The following ASPH variants were observed in gnomAD, a reference collection of about 807,000 sequenced individuals.
ASPH encodes the protein aspartate beta-hydroxylase, also known as aspartyl/asparaginyl beta-hydroxylase.
ASPH carries 100 observed loss-of-function variants against 118.4 expected under a neutral mutation model. That is an observed-to-expected ratio of 0.84 (90% confidence interval 0.72 to 1.00). The LOEUF (loss-of-function observed/expected upper bound fraction) is 1.00. Among genes scored for constraint, ASPH ranks in the 50% least tolerant of loss-of-function variants. The probability of loss-of-function intolerance (pLI) is 0.00; values close to 1 mark genes in which losing one functional copy is unlikely to be tolerated. For synonymous variants in ASPH, 315 were observed against 325.6 expected (o/e 0.97, Z 0.35); for missense variants, 920 against 919.5 (o/e 1.00, Z -0.01).
At chr8:61,522,970 G>A (rs1215757743) in intron 22 of ASPH, among the ~76,000 whole-genome samples, 2 of 152,048 alleles carry the variant, frequency 1.3e-5, no homozygotes, top group Admixed American at 1.3e-4. Context: ...TGAATTTTGC[G>A]GGGTACACAG....
chr8:61,509,800 AGG>A (rs909882324), intron 24 of ASPH, among the ~76,000 whole-genome samples: 1 of 152,028 alleles, frequency 6.6e-6, no homozygotes, highest in Non-Finnish European at 1.5e-5. Flanking sequence ...AGATGTGAGT[AGG>A]GGGGGAGGGT....
At chr8:61,607,183 T>C (rs1042913467) in intron 14 of ASPH, 3 of 669,698 alleles carry the variant, frequency 4.5e-6, no homozygotes, top group Middle Eastern at 2.9e-4. Context: ...TAATGCATCA[T>C]CCTTCTTAGC....
chr8:61,576,030 T>A (rs1835026153), intron 16 of ASPH, among the ~76,000 whole-genome samples: 1 of 152,178 alleles, frequency 6.6e-6, no homozygotes, highest in Non-Finnish European at 1.5e-5. Flanking sequence ...TTGCCTACCA[T>A]CCCCTGATCA....
chr8:61,587,435 A>T (rs532792620), intron 14 of ASPH, among the ~76,000 whole-genome samples: 1 of 152,352 alleles, frequency 6.6e-6, no homozygotes, highest in South Asian at 2.1e-4. Context: ...TGAGACCTCC[A>T]GAAAAGCCTG....
intron 16 of ASPH, among the ~76,000 whole-genome samples, chr8:61,571,507 C>A (rs1281674290): frequency 1.3e-5 from 2 of 152,234 alleles, no homozygotes; most frequent in Non-Finnish European, 2.9e-5. Flanking sequence ...AATGTAACTT[C>A]TATGTAAATA....
Position 61,517,670 on chromosome 8 carries a change from A to G in ASPH, c.1993-9T>C. The G allele has an allele frequency of 2.5e-6, 4 of 1,610,584 alleles. No individual in the cohort carries two copies. The highest frequency in any genetic ancestry group is 3.4e-6 in the Non-Finnish European group (4 of 1,177,042). ...ATGATGGAATATTTGATCTGCATAG[A>G]AAACATGACACTCCATTCAGCCATT... On this transcript the variant is annotated splice_polypyrimidine_tract_variant and intron_variant, in intron 23 of 24. Coordinates refer to ENST00000379454, the MANE Select transcript of ASPH (RefSeq NM_004318.4).
chr8:61,566,700 G>A (rs992296525), intron 17 of ASPH, among the ~76,000 whole-genome samples: 1 of 152,142 alleles, frequency 6.6e-6, no homozygotes, highest in African/African-American at 2.4e-5. Context: ...CCACCACCCT[G>A]ATCAGTCACT....
chr8:61,697,912 T>A lies in ASPH; in HGVS notation c.104-13724A>T, dbSNP rs568606028. ...TGAATGCAATCCTCCCACCTCAGCC[T>A]CCTGAGTAGCTGGGACCACAGGCAT... On this transcript the variant is annotated intron_variant, in intron 1 of 24. Transcript: ENST00000379454. 2.2e-3 allele frequency among the ~76,000 whole-genome samples: 330 copies of A among 152,066 alleles called. 5 individuals carry two copies. Among genetic ancestry groups the A allele is most frequent in the African/African-American group, 7.3e-3 (304 of 41,452 alleles).
chr8:61,665,371 T>A, intron 3 of ASPH: 1 of 1,613,980 alleles, frequency 6.2e-7, no homozygotes, highest in Non-Finnish European at 8.5e-7. Context: ...CCTTCATATT[T>A]GTTGATTTTT....
chr8:61,536,552 A>G (rs1819687925), intron 21 of ASPH, among the ~76,000 whole-genome samples: 1 of 152,226 alleles, frequency 6.6e-6, no homozygotes, highest in Non-Finnish European at 1.5e-5. Flanking sequence ...TAAGGAAGCT[A>G]GAAGTGGCTA....
chr8:61,587,189 T>C (rs1839727979), intron 14 of ASPH, among the ~76,000 whole-genome samples: 1 of 152,220 alleles, frequency 6.6e-6, no homozygotes, highest in Non-Finnish European at 1.5e-5. Flanking sequence ...CCCTAATCCC[T>C]GTAATGTTGA....
At chr8:61,568,173 T>C (rs961497170) in intron 16 of ASPH, among the ~76,000 whole-genome samples, 2 of 152,060 alleles carry the variant, frequency 1.3e-5, no homozygotes, top group African/African-American at 2.4e-5. Flanking sequence ...GATGTATGTA[T>C]TGAAGGGATC....
chr8:61,689,794 C>T, intron 1 of ASPH: 1 of 1,493,038 alleles, frequency 6.7e-7, no homozygotes, highest in East Asian at 2.5e-5. Context: ...ATGCACTTGC[C>T]TACCAGAGCT....
intron 20 of ASPH, among the ~76,000 whole-genome samples, chr8:61,550,725 G>A (rs1353975979): frequency 6.6e-6 from 1 of 152,222 alleles, no homozygotes; most frequent in Non-Finnish European, 1.5e-5. Context: ...TTGCATGGTA[G>A]GCTTTTTGAG....
At chr8:61,631,406 T>C (rs1449324866) in intron 13 of ASPH, among the ~76,000 whole-genome samples, 1 of 152,190 alleles carries the variant, frequency 6.6e-6, no homozygotes, top group East Asian at 1.9e-4. Context: ...CTATACCATA[T>C]TTTTACCATA....
intron 18 of ASPH, among the ~76,000 whole-genome samples, chr8:61,561,147 TTAGG>T (rs1829840510): frequency 8.8e-6 from 1 of 113,418 alleles, no homozygotes. Flanking sequence ...AGGAAGGAAG[TTAGG>T]AATTCTACAA....
In ASPH at chr8:61,501,384, C is replaced by T. The variant is rs1804903536; in HGVS notation, c.*1975G>A. The T allele has an allele frequency of 1.3e-5, 2 of 152,064 alleles. No homozygotes were observed. The highest frequency in any genetic ancestry group is 1.3e-4 in the Admixed American group (2 of 15,256). The allele number at this position is 152,064 out of a possible 1,614,324, so 9.4% of individuals were successfully genotyped here. ...ATACTTAGAACCTTACTGTAGTGAC[C>T]TGATTTTAAATACCATATTATATTT... On this transcript the variant is annotated 3_prime_UTR_variant, in exon 25 of 25. Transcript: ENST00000379454.
chr8:61,672,747 T>A (rs1424210054), intron 3 of ASPH, among the ~76,000 whole-genome samples: 1 of 152,166 alleles, frequency 6.6e-6, no homozygotes, highest in African/African-American at 2.4e-5. Flanking sequence ...TCTCAACAAA[T>A]AACAAAGGCA....
At chr8:61,644,060 C>T (rs558974475) in intron 7 of ASPH, 59 bp from the exon 8 acceptor site, 7 of 1,298,602 alleles carry the variant, frequency 5.4e-6, no homozygotes, top group Middle Eastern at 1.9e-4. Flanking sequence ...ATGTAATATT[C>T]GAAACCAGAA....
Sources: allele counts gnomAD v4.1 joint callset (sites outside exome capture counted in the v4.1 genomes callset), GRCh38; gene constraint gnomAD v4.1.1; transcripts MANE v1.5; gene names NCBI Gene and HGNC (gene_info 2026-07-23, HGNC 2026-07-21).